The following DMXL2 variants were observed in gnomAD, a reference collection of about 807,000 sequenced individuals.
DMXL2 encodes the protein Dmx like 2, also known as dmX-like protein 2.
Under a neutral mutation model 331.1 loss-of-function variants are expected in DMXL2, and 103 were observed. The observed-to-expected ratio is 0.31, with a 90% CI of 0.27 to 0.37. The LOEUF (loss-of-function observed/expected upper bound fraction) is 0.37. DMXL2 is among the 10% of genes least tolerant of loss of function. DMXL2 has a pLI of 1.00. For synonymous variants in DMXL2, 1,281 were observed against 1,252.1 expected (o/e 1.02, Z -0.49); for missense variants, 3,171 against 3,642.9 (o/e 0.87, Z 3.33).
intron 9 of DMXL2, among the ~76,000 whole-genome samples, chr15:51,539,994 A>G (rs1363767252): frequency 1.3e-5 from 2 of 152,214 alleles, no homozygotes; most frequent in Non-Finnish European, 2.9e-5. Flanking sequence ...CAGTTCCTGG[A>G]TGACTATTCT....
At chr15:51,560,448 C>T (rs1313867252) in intron 6 of DMXL2, among the ~76,000 whole-genome samples, 3 of 103,348 alleles carry the variant, frequency 2.9e-5, no homozygotes, top group African/African-American at 1.1e-4. Context: ...TTTAGGGCAT[C>T]ATAAATAAAG....
intron 1 of DMXL2, among the ~76,000 whole-genome samples, chr15:51,613,075 C>T (rs1039486442): frequency 7.2e-5 from 11 of 152,374 alleles, no homozygotes; most frequent in African/African-American, 2.6e-4. Context: ...GTTCCCTGAA[C>T]ATTGCTGTTA....
At chr15:51,545,326 A>C (rs1043585356) in intron 8 of DMXL2, among the ~76,000 whole-genome samples, 2 of 152,182 alleles carry the variant, frequency 1.3e-5, no homozygotes, top group African/African-American at 2.4e-5. Context: ...AATATTATCT[A>C]GAACTTGAGC....
chr15:51,487,616 C>G (rs554041359), intron 22 of DMXL2, among the ~76,000 whole-genome samples: 2 of 152,066 alleles, frequency 1.3e-5, no homozygotes, highest in Admixed American at 1.3e-4. Flanking sequence ...TGCCACCACA[C>G]CTGGCTAATT....
rs765700571 is a variant in DMXL2, at chr15:51,499,444, C to G, written c.3780G>C (p.Leu1260Phe). ...VSLSWVRDGI[L>F]VVGMDCEMHV... ...GCATTTCACAATCCATTCCTACCAC[C>G]AATATCCCATCTCTTACCCAAGAGA... Residue 1260 changes from leucine to phenylalanine, a missense_variant, in exon 18 of 44, where the codon TTG (leucine) becomes TTC (phenylalanine). Around this residue, in one of 7 missense-constraint regions of DMXL2, gnomAD observed 1,674 missense variants for 1,780.2 expected, o/e 0.94. Transcript: ENST00000560891. 1 of 1,613,996 alleles carries G rather than the reference C, an allele frequency of 6.2e-7. No homozygotes were observed. The highest frequency in any genetic ancestry group is 1.1e-5 in the South Asian group (1 of 91,070).
At chr15:51,573,266 C>T (rs1214680297) in intron 2 of DMXL2, among the ~76,000 whole-genome samples, 2 of 152,166 alleles carry the variant, frequency 1.3e-5, no homozygotes, top group Non-Finnish European at 2.9e-5. Context: ...ATTAGTTCAA[C>T]CATTTGTGTA....
chr15:51,514,687 T>A, intron 14 of DMXL2, 128 bp from the exon 15 acceptor site: 1 of 620,106 alleles, frequency 1.6e-6, no homozygotes, highest in Non-Finnish European at 2.8e-6. Flanking sequence ...TTACCACTAC[T>A]AATTAGAAAG....
chr15:51,480,374 C>T (rs2041922260), intron 24 of DMXL2, among the ~76,000 whole-genome samples, 168 bp downstream of exon 24: 2 of 152,160 alleles, frequency 1.3e-5, no homozygotes, highest in Non-Finnish European at 2.9e-5. Flanking sequence ...ATTATCAAAA[C>T]TTCAGTCTAA....
intron 1 of DMXL2, among the ~76,000 whole-genome samples, chr15:51,592,833 G>A (rs2052492246): frequency 6.6e-6 from 1 of 152,132 alleles, no homozygotes; most frequent in Non-Finnish European, 1.5e-5. Context: ...AAGTGAAGGA[G>A]AAATAAAATC....
chr15:51,582,247 T>G (rs1191572725), intron 1 of DMXL2, among the ~76,000 whole-genome samples: 1 of 152,202 alleles, frequency 6.6e-6, no homozygotes, highest in Non-Finnish European at 1.5e-5. Flanking sequence ...TTTCACAGGA[T>G]TTAATCAAAT....
At chr15:51,517,812 AGAGATATAAGTACAAGGTAGG>A (rs1274182995) in intron 13 of DMXL2, among the ~76,000 whole-genome samples, 2 of 152,318 alleles carry the variant, frequency 1.3e-5, no homozygotes, top group East Asian at 1.9e-4. Context: ...AGCTTCGCCT[AGAGATATAAGTACAAGGTAGG>A]GAGATATAAG....
chr15:51,617,195 A>G (rs1391165877), intron 1 of DMXL2, among the ~76,000 whole-genome samples: 2 of 152,228 alleles, frequency 1.3e-5, no homozygotes, highest in Non-Finnish European at 2.9e-5. Flanking sequence ...TAATCTGATT[A>G]TAATTTCTAA....
chr15:51,586,766 T>C (rs1423310393), intron 1 of DMXL2, among the ~76,000 whole-genome samples: 2 of 152,058 alleles, frequency 1.3e-5, no homozygotes, highest in East Asian at 1.9e-4. Context: ...AAATGAGACC[T>C]TGAAAAGCAA....
chr15:51,568,707 T>G (rs974530830), intron 2 of DMXL2, 149 bp from the exon 3 acceptor site: 1 of 606,306 alleles, frequency 1.6e-6, no homozygotes, highest in Non-Finnish European at 2.8e-6. Context: ...GGAAGTGTAC[T>G]GGAGTTAAGA....
chr15:51,458,262 G>A (rs1037526913), intron 36 of DMXL2, among the ~76,000 whole-genome samples: 1 of 152,198 alleles, frequency 6.6e-6, no homozygotes, highest in African/African-American at 2.4e-5. Context: ...TGAATATCAT[G>A]AAGCCAAGTG....
Position 51,538,195 on chromosome 15 carries a change from T to G in DMXL2, c.1345+18A>C, listed in dbSNP as rs747951965. ...TGTTAACTTTGGAGTAAGTAAAATC[T>G]GAACACAGGATACTAACCATGGTCT... On this transcript the variant is annotated intron_variant, in intron 10 of 43. Transcript: ENST00000560891. 1.9e-6 allele frequency: 3 copies of G among 1,594,686 alleles called. No homozygotes were observed. Among genetic ancestry groups the G allele is most frequent in the Non-Finnish European group, 2.6e-6 (3 of 1,168,966 alleles).
chr15:51,564,018 TA>T, intron 5 of DMXL2, 106 bp downstream of exon 5: 2 of 1,275,524 alleles, frequency 1.6e-6, no homozygotes, highest in Non-Finnish European at 2.2e-6. Flanking sequence ...TCTAGGCATC[TA>T]AATGCAATGG....
chr15:51,538,477 T>C (rs781393355), intron 9 of DMXL2, 25 bp from the exon 10 acceptor site: 21 of 1,528,914 alleles, frequency 1.4e-5, no homozygotes, highest in Non-Finnish European at 1.8e-5. Context: ...GAGATTTCAA[T>C]ATAATTTTTT....
intron 1 of DMXL2, among the ~76,000 whole-genome samples, chr15:51,621,082 C>A (rs995646855): frequency 2.4e-5 from 3 of 126,986 alleles, no homozygotes. Flanking sequence ...AGGGAAATTT[C>A]TTCTCTCTAT....
Sources: allele counts gnomAD v4.1 joint callset (sites outside exome capture counted in the v4.1 genomes callset), GRCh38; gene constraint gnomAD v4.1.1; regional missense constraint gnomAD v4.1.1; transcripts MANE v1.5; gene names NCBI Gene and HGNC (gene_info 2026-07-23, HGNC 2026-07-21).